The following PIGK variants were observed in gnomAD, a reference collection of about 807,000 sequenced individuals.
PIGK encodes GPI-anchor transamidase.
PIGK carries 42 observed loss-of-function variants against 50.6 expected under a neutral mutation model. The ratio of observed to expected loss-of-function variants is 0.83; its 90% CI spans 0.65 to 1.07. The LOEUF (loss-of-function observed/expected upper bound fraction) is 1.07, where lower values mean the gene tolerates loss of function less well. PIGK is among the 50% of genes least tolerant of loss of function. PIGK has a pLI of 0.00. For synonymous variants in PIGK, 151 were observed against 156.0 expected (o/e 0.97, Z 0.24); for missense variants, 448 against 488.7 (o/e 0.92, Z 0.78).
chr1:77,154,331 G>A, intron 9 of PIGK, 118 bp downstream of exon 9: 1 of 664,166 alleles, frequency 1.5e-6, no homozygotes, highest in East Asian at 2.7e-5. Flanking sequence ...TGAAGACTGG[G>A]TATAAATGTG....
At chr1:77,182,585 T>C (rs923362330) in intron 3 of PIGK, among the ~76,000 whole-genome samples, 8 of 152,150 alleles carry the variant, frequency 5.3e-5, no homozygotes, top group African/African-American at 1.7e-4. Context: ...TATATTTGCA[T>C]ACTATTAGTT....
rs185949670 is a variant in PIGK at position 77,158,121 on chromosome 1, A to G, written c.813+3174T>C. Among the ~76,000 whole-genome samples the G allele has an allele frequency of 1.0e-3, 158 of 152,260 alleles. 1 individual carries two copies. The highest frequency in any genetic ancestry group is 3.6e-3 in the African/African-American group (149 of 41,542). On this transcript the variant is annotated intron_variant, in intron 8 of 10. Transcript: ENST00000370812. ...AACCTCTGCCTCCCAGGTTCAAGTG[A>G]TGCTTCTGCCTCAGCCTCCCGAGTA...
intron 10 of PIGK, among the ~76,000 whole-genome samples, chr1:77,106,317 T>C (rs1182718804): frequency 1.3e-5 from 2 of 152,192 alleles, no homozygotes; most frequent in Non-Finnish European, 2.9e-5. Context: ...CTGAGATACA[T>C]AGGCTGAAGA....
Position 77,195,199 on chromosome 1 carries a change from G to A in PIGK, c.239+11441C>T, listed in dbSNP as rs146025613. On this transcript the variant is annotated intron_variant, in intron 3 of 10. Coordinates refer to ENST00000370812, the MANE Select transcript of PIGK (RefSeq NM_005482.3). ...GACCCTCCTGTTCTTAACCGTGGGC[G>A]ATGAGAAAGGTGCTGGACTTTTCTT... 5.5e-5 allele frequency: 65 copies of A among 1,188,116 alleles called. 1 individual carries two copies. The highest frequency in any genetic ancestry group is 2.0e-4 in the Middle Eastern group (1 of 5,052). 73.6% of individuals were successfully genotyped at this position (1,188,116 alleles called of 1,614,324 possible). A position where few individuals can be genotyped will look rare whatever the true frequency, so the allele number is the denominator to read the frequency against.
chr1:77,177,759 G>A (rs1655520011), intron 3 of PIGK, among the ~76,000 whole-genome samples: 1 of 152,062 alleles, frequency 6.6e-6, no homozygotes, highest in Admixed American at 6.6e-5. Flanking sequence ...AGAACCCAAA[G>A]ACTGGATCTT....
intron 5 of PIGK, 72 bp from the exon 6 acceptor site, chr1:77,164,014 CTTCA>C (rs1432852246): frequency 4.0e-6 from 3 of 743,974 alleles, no homozygotes; most frequent in Non-Finnish European, 6.8e-6. Flanking sequence ...TATACATTTA[CTTCA>C]TTCATTACAT....
chr1:77,186,682 C>T (rs144827462), intron 3 of PIGK, among the ~76,000 whole-genome samples: 382 of 152,294 alleles, frequency 2.5e-3, no homozygotes, highest in Non-Finnish European at 4.3e-3. Context: ...CCAGTCACCC[C>T]TGTCATCACC....
chr1:77,142,035 T>C (rs1410560518), intron 9 of PIGK, among the ~76,000 whole-genome samples: 3 of 152,088 alleles, frequency 2.0e-5, no homozygotes, highest in African/African-American at 7.2e-5. Context: ...AGAATGAGTA[T>C]TAAAAAAGAC....
intron 1 of PIGK, among the ~76,000 whole-genome samples, chr1:77,213,015 C>T (rs528701895): frequency 5.9e-5 from 9 of 152,270 alleles, no homozygotes; most frequent in Admixed American, 1.3e-4. Flanking sequence ...ACCTCCACCT[C>T]CTAGATTCAA....
intron 3 of PIGK, among the ~76,000 whole-genome samples, chr1:77,183,910 A>G (rs998694638): frequency 5.3e-5 from 8 of 152,152 alleles, no homozygotes; most frequent in Non-Finnish European, 8.8e-5. Flanking sequence ...GAGGATCCAG[A>G]AGATATATCC....
chr1:77,188,357 C>T (rs185592931), intron 3 of PIGK, among the ~76,000 whole-genome samples: 236 of 152,174 alleles, frequency 1.6e-3, no homozygotes, highest in Admixed American at 9.8e-3. Flanking sequence ...TCTCTTATGT[C>T]GAAACTGCAG....
chr1:77,111,893 T>C (rs1653853288), intron 10 of PIGK, among the ~76,000 whole-genome samples: 1 of 152,154 alleles, frequency 6.6e-6, no homozygotes, highest in Admixed American at 6.6e-5. Flanking sequence ...TACTATTCTG[T>C]CTTCGCAAAG....
At chr1:77,099,471 A>G (rs112894838) in intron 10 of PIGK, among the ~76,000 whole-genome samples, 127 of 152,280 alleles carry the variant, frequency 8.3e-4, no homozygotes, top group African/African-American at 2.9e-3. Context: ...GAATCTTCAT[A>G]TATTCCTTTC....
intron 1 of PIGK, among the ~76,000 whole-genome samples, chr1:77,217,695 G>A (rs1396415783): frequency 6.6e-6 from 1 of 152,192 alleles, no homozygotes; most frequent in African/African-American, 2.4e-5. Flanking sequence ...CTCTAAGTGA[G>A]ATATGATGGA....
At chr1:77,149,662 A>T (rs955961272) in intron 9 of PIGK, among the ~76,000 whole-genome samples, 1 of 152,186 alleles carries the variant, frequency 6.6e-6, no homozygotes, top group Non-Finnish European at 1.5e-5. Flanking sequence ...TAGCACTTCA[A>T]CACCCCACTT....
At chr1:77,176,175 T>C (rs1259104363) in intron 3 of PIGK, among the ~76,000 whole-genome samples, 1 of 152,174 alleles carries the variant, frequency 6.6e-6, no homozygotes, top group Non-Finnish European at 1.5e-5. Flanking sequence ...TGTCCAGTAA[T>C]TCTATTTCAT....
intron 3 of PIGK, among the ~76,000 whole-genome samples, chr1:77,183,216 G>A (rs566767806): frequency 1.3e-5 from 2 of 152,314 alleles, no homozygotes; most frequent in East Asian, 3.9e-4. Flanking sequence ...GGAACATATG[G>A]AGGACCCAGA....
At position 77,125,678 on chromosome 1, in the gene PIGK, T is replaced by A. The variant is rs370854485; in HGVS notation, c.987-3319A>T. Among the ~76,000 whole-genome samples the A allele has an allele frequency of 2.6e-5, 4 of 152,124 alleles. No individual in the cohort carries two copies. In the East Asian group the frequency reaches 7.7e-4, roughly 29 times the overall value. On this transcript the variant is annotated intron_variant, in intron 9 of 10. Coordinates refer to ENST00000370812, the MANE Select transcript of PIGK (RefSeq NM_005482.3). ...TTTTGTTTTAAGGTCTAATACTATA[T>A]CTTAAAAGTTGATTGTTATAAATCA...
At chr1:77,219,078 G>T (rs1233469556) in intron 1 of PIGK, among the ~76,000 whole-genome samples, 3 of 152,194 alleles carry the variant, frequency 2.0e-5, no homozygotes, top group African/African-American at 7.2e-5. Context: ...TAGGAGCAAA[G>T]GATCAGGTCC....
Sources: allele counts gnomAD v4.1 joint callset (sites outside exome capture counted in the v4.1 genomes callset), GRCh38; gene constraint gnomAD v4.1.1; transcripts MANE v1.5; gene names NCBI Gene and HGNC (gene_info 2026-07-23, HGNC 2026-07-21).